MINDY4B: variants seen among roughly 807,000 people sequenced by gnomAD.
MINDY4B encodes MINDY family member 4B.
A neutral mutation model predicts 16.7 loss-of-function variants in MINDY4B; 25 were observed. The ratio of observed to expected loss-of-function variants is 1.49; its 90% CI spans 1.09 to 2.09. The LOEUF is 2.09. Among genes scored for constraint, MINDY4B ranks in the 30% most tolerant of loss-of-function variants. The probability of loss-of-function intolerance (pLI) is 0.00; values close to 1 mark genes in which losing one functional copy is unlikely to be tolerated. For missense variants in MINDY4B, 327 were observed against 168.4 expected (o/e 1.94, Z -5.21); for synonymous variants, 132 against 61.9 (o/e 2.13, Z -5.32).
chr3:150,880,299 T>C (rs929059265), intron 10 of MINDY4B, among the ~76,000 whole-genome samples: 3 of 132,622 alleles, frequency 2.3e-5, no homozygotes, highest in African/African-American at 9.5e-5. Flanking sequence ...TATGCCAGGT[T>C]CCCATCTGTG....
At chr3:150,873,417 G>A (rs1717015098) in intron 10 of MINDY4B, 50 bp from the exon 11 acceptor site, 1 of 685,132 alleles carries the variant, frequency 1.5e-6, no homozygotes, top group Non-Finnish European at 2.7e-6. Context: ...TTGCCACATT[G>A]TGACACATGC....
At chr3:150,899,198 T>A (rs1217083691) in intron 3 of MINDY4B, among the ~76,000 whole-genome samples, 1 of 152,210 alleles carries the variant, frequency 6.6e-6, no homozygotes, top group African/African-American at 2.4e-5. Context: ...GTGAAAGGAC[T>A]AGAGGCCTAG....
At position 150,882,927 on chromosome 3, in the gene MINDY4B, C is replaced by T; in HGVS notation, c.1029G>A (p.Lys343=). ...RSDVGYLQWG[K]DASEDDRLSQ... ...AGAGTCTGTCATCTTCCGAGGCATC[C>T]TTACCCCACTGCAAATAGCCAACAT... The change falls in exon 10 of 12, where the codon AAG becomes AAA. Residue 343 remains lysine, a synonymous_variant. Coordinates refer to ENST00000465419, the MANE Select transcript of MINDY4B (RefSeq NM_001351281.2). 1 of 702,666 alleles carries T rather than the reference C, an allele frequency of 1.4e-6. No homozygotes were observed. Among genetic ancestry groups the T allele is most frequent in the East Asian group, 2.7e-5 (1 of 37,276 alleles). The allele number at this position is 702,666 out of a possible 1,614,324, so 43.5% of individuals were successfully genotyped here. A position where few individuals can be genotyped will look rare whatever the true frequency, so the allele number is the denominator to read the frequency against.
chr3:150,903,779 A>C lies in MINDY4B; in HGVS notation c.142-363T>G, dbSNP rs1419491924. Among the ~76,000 whole-genome samples, 3 of 152,338 alleles carry C rather than the reference A, an allele frequency of 2.0e-5. No homozygotes were observed. In the East Asian group the frequency reaches 5.8e-4, roughly 29 times the overall value. The stretch of plus-strand genomic sequence containing the variant: ...TTGAACGAATCTTTCCAGTTTACAC[A>C]AAGTGTTTCTCATTACATTGTTAAC... On this transcript the variant is annotated intron_variant, in intron 2 of 11. Coordinates refer to ENST00000465419, the MANE Select transcript of MINDY4B (RefSeq NM_001351281.2).
intron 3 of MINDY4B, among the ~76,000 whole-genome samples, chr3:150,902,110 T>C (rs1214602680): frequency 6.6e-6 from 1 of 152,006 alleles, no homozygotes; most frequent in Non-Finnish European, 1.5e-5. Context: ...CCGGAAGAAG[T>C]TTTAGTCCCC....
chr3:150,903,220 T>G, intron 3 of MINDY4B, 29 bp downstream of exon 3: 1 of 398,470 alleles, frequency 2.5e-6, no homozygotes, highest in Non-Finnish European at 4.4e-6. Context: ...TACGTTTCAT[T>G]TCATGTTTAA....
chr3:150,902,124 C>T (rs927012486), intron 3 of MINDY4B, among the ~76,000 whole-genome samples: 1 of 152,170 alleles, frequency 6.6e-6, no homozygotes, highest in East Asian at 1.9e-4. Context: ...AGTCCCCACT[C>T]ATCCTCTCAG....
intron 5 of MINDY4B, 76 bp from the exon 6 acceptor site, chr3:150,891,179 T>C (rs1711794927): frequency 3.0e-6 from 2 of 655,808 alleles, no homozygotes; most frequent in Admixed American, 2.1e-5. Context: ...AGTAATTTGC[T>C]CCTGGTCATT....
chr3:150,881,237 A>T (rs1046537051), intron 10 of MINDY4B, among the ~76,000 whole-genome samples: 2 of 152,116 alleles, frequency 1.3e-5, no homozygotes, highest in Non-Finnish European at 2.9e-5. Context: ...TACAAAAATT[A>T]GCTAGCCATG....
chr3:150,892,160 A>T (rs1711832345), intron 5 of MINDY4B, among the ~76,000 whole-genome samples: 1 of 152,208 alleles, frequency 6.6e-6, no homozygotes, highest in Admixed American at 6.5e-5. Flanking sequence ...CTCCTCCCTA[A>T]GGATGGCCCA....
intron 3 of MINDY4B, among the ~76,000 whole-genome samples, chr3:150,896,313 C>A (rs566460532): frequency 2.8e-4 from 43 of 152,274 alleles, no homozygotes; most frequent in Admixed American, 2.6e-3. Flanking sequence ...TTGGGCTTCA[C>A]CTTTCCCTGG....
intron 7 of MINDY4B, among the ~76,000 whole-genome samples, chr3:150,886,751 A>C (rs1435497920): frequency 6.6e-6 from 1 of 152,068 alleles, no homozygotes; most frequent in East Asian, 1.9e-4. Flanking sequence ...TTCCCTGGTC[A>C]CATTTCTCTG....
intron 10 of MINDY4B, among the ~76,000 whole-genome samples, chr3:150,881,964 C>T (rs369612171): frequency 2.0e-5 from 3 of 152,026 alleles, no homozygotes; most frequent in African/African-American, 7.2e-5. Flanking sequence ...ACATGAAAGG[C>T]GTTTTGAGTG....
At chr3:150,893,241 C>T (rs916586983) in intron 5 of MINDY4B, 83 bp downstream of exon 5, 2 of 690,898 alleles carry the variant, frequency 2.9e-6, no homozygotes, top group Admixed American at 4.1e-5. Context: ...TCTGAGACAA[C>T]CTGAATTTTT....
At chr3:150,901,548 G>A (rs1164404157) in intron 3 of MINDY4B, 1 of 144,320 alleles carries the variant, frequency 6.9e-6, no homozygotes, top group Non-Finnish European at 1.5e-5. Context: ...TTTTGACAGA[G>A]TCTCACTCTG....
At position 150,881,135 on chromosome 3, in the gene MINDY4B, C is replaced by A. The variant is rs370163218; in HGVS notation, c.1059+1762G>T. ...CAGTGGCTCACGCCTGTAATCCCAG[C>A]ACTTTGGGAGGCTGAGGTGGGTGGA... On this transcript the variant is annotated intron_variant, in intron 10 of 11. Transcript: ENST00000465419. Among the ~76,000 whole-genome samples the A allele has an allele frequency of 6.6e-5, 10 of 152,330 alleles. 1 individual carries two copies. The highest frequency in any genetic ancestry group is 1.9e-4 in the East Asian group (1 of 5,180).
chr3:150,877,524 T>C (rs1208938886), intron 10 of MINDY4B, among the ~76,000 whole-genome samples: 1 of 152,192 alleles, frequency 6.6e-6, no homozygotes, highest in Non-Finnish European at 1.5e-5. Context: ...TGTTGTGAAA[T>C]ATTAGACTTC....
At chr3:150,904,795 G>T (rs536361202) in intron 2 of MINDY4B, among the ~76,000 whole-genome samples, 7 of 152,270 alleles carry the variant, frequency 4.6e-5, no homozygotes, top group African/African-American at 1.4e-4. Flanking sequence ...GGGAACTTTC[G>T]ATTTTAATAT....
intron 6 of MINDY4B, 141 bp downstream of exon 6, chr3:150,890,797 T>C: frequency 1.7e-6 from 1 of 597,822 alleles, no homozygotes. Context: ...CTTACAGCCC[T>C]TGGTACCTGC....
Sources: gnomAD v4.1 joint callset for allele counts (sites outside exome capture counted in the v4.1 genomes callset) on GRCh38, gnomAD v4.1.1 for gene constraint, MANE v1.5 for transcripts, NCBI Gene and HGNC (gene_info 2026-07-23, HGNC 2026-07-21) for gene names.